The following DOCK7 variants were observed in gnomAD, a reference collection of about 807,000 sequenced individuals.
The protein encoded by DOCK7 is dedicator of cytokinesis 7.
Under a neutral mutation model 271.0 loss-of-function variants are expected in DOCK7, and 138 were observed. The observed-to-expected ratio is 0.51, with a 90% CI of 0.44 to 0.59. The LOEUF (loss-of-function observed/expected upper bound fraction) is 0.59. DOCK7 is among the 20% of genes least tolerant of loss of function. The pLI is 0.00. For synonymous variants in DOCK7, 823 were observed against 876.1 expected (o/e 0.94, Z 1.07); for missense variants, 2,066 against 2,592.4 (o/e 0.80, Z 4.41).
At chr1:62,615,053 C>T (rs943516348) in intron 14 of DOCK7, among the ~76,000 whole-genome samples, 1 of 151,782 alleles carries the variant, frequency 6.6e-6, no homozygotes, top group Non-Finnish European at 1.5e-5. Flanking sequence ...ATACAGGTTA[C>T]GAGAGCCCAT....
At chr1:62,656,783 GC>G (rs2149701876) in intron 2 of DOCK7, among the ~76,000 whole-genome samples, 2 of 132,736 alleles carry the variant, frequency 1.5e-5, no homozygotes, top group African/African-American at 5.5e-5. Flanking sequence ...ACACCAAGAA[GC>G]CCTAGGGGTG....
At chr1:62,555,747 G>A (rs1646119208) in intron 21 of DOCK7, 78 bp downstream of exon 21, 11 of 1,468,324 alleles carry the variant, frequency 7.5e-6, no homozygotes, top group South Asian at 2.6e-5. Flanking sequence ...ATCACAGTAT[G>A]GACTACAAAA....
intron 14 of DOCK7, among the ~76,000 whole-genome samples, chr1:62,591,836 T>C (rs971423575): frequency 1.3e-5 from 2 of 152,232 alleles, no homozygotes; most frequent in African/African-American, 4.8e-5. Context: ...TGTTCATTTA[T>C]GTATTACTTC....
chr1:62,537,595 A>G (rs1287481984), intron 28 of DOCK7, among the ~76,000 whole-genome samples: 3 of 151,724 alleles, frequency 2.0e-5, no homozygotes, highest in Admixed American at 2.0e-4. Context: ...CAAAAAAAAA[A>G]AAAAAAAAAG....
intron 42 of DOCK7, chr1:62,488,681 CTAAT>C (rs760010981): frequency 3.7e-5 from 16 of 435,476 alleles, no homozygotes; most frequent in Non-Finnish European, 6.2e-5. Context: ...TAAAAACTTG[CTAAT>C]TAATAATTCA....
At chr1:62,473,164 C>T (rs962426886) in intron 48 of DOCK7, among the ~76,000 whole-genome samples, 3 of 152,156 alleles carry the variant, frequency 2.0e-5, no homozygotes, top group African/African-American at 7.2e-5. Flanking sequence ...ATTATTTCAC[C>T]TAATCTGCAC....
chr1:62,479,290 T>C (rs1328793986), intron 43 of DOCK7, among the ~76,000 whole-genome samples: 1 of 152,082 alleles, frequency 6.6e-6, no homozygotes, highest in Non-Finnish European at 1.5e-5. Flanking sequence ...AAAAAAGGTA[T>C]AGTGATGAAA....
In DOCK7 at chr1:62,613,864, T is replaced by C. The variant is rs565135291; in HGVS notation, c.1682+4842A>G. On this transcript the variant is annotated intron_variant, in intron 14 of 49. Coordinates refer to ENST00000635253, the MANE Select transcript of DOCK7 (RefSeq NM_001367561.1). ...CACATGAACAATGCTTAAATTCCTATTTTTTTCAGATATAAATTTGAACCC... is the reference window on the plus strand; with the variant it reads ...CACATGAACAATGCTTAAATTCCTACTTTTTTCAGATATAAATTTGAACCC... Among the ~76,000 whole-genome samples, 28 of 150,518 alleles carry C rather than the reference T, an allele frequency of 1.9e-4. No individual in the cohort carries two copies. In the South Asian group the frequency reaches 5.4e-3, roughly 29 times the overall value.
Position 62,586,714 on chromosome 1 carries a change from T to C in DOCK7, c.1683-90A>G, listed in dbSNP as rs1647588417. On this transcript the variant is annotated intron_variant, in intron 14 of 49. Transcript: ENST00000635253. ...AAATACCACAAAATAAGTGACCAAA[T>C]ACTGAATTACTGATATTGGCTAGCA... is the stretch of plus-strand genomic sequence containing the variant. 3 of 667,492 alleles carry C rather than the reference T, an allele frequency of 4.5e-6. No homozygotes were observed. In the Admixed American group the frequency reaches 8.6e-5, roughly 19 times the overall value. 41.3% of individuals were successfully genotyped at this position (667,492 alleles called of 1,614,324 possible).
At chr1:62,672,588 T>C (rs961168091) in intron 1 of DOCK7, among the ~76,000 whole-genome samples, 1 of 152,124 alleles carries the variant, frequency 6.6e-6, no homozygotes, top group African/African-American at 2.4e-5. Flanking sequence ...CTTTAAACTA[T>C]TTCCAGTTTT....
chr1:62,594,237 T>C (rs1394397553), intron 14 of DOCK7, among the ~76,000 whole-genome samples: 1 of 152,100 alleles, frequency 6.6e-6, no homozygotes, highest in African/African-American at 2.4e-5. Context: ...CAGGAAGTAT[T>C]AAAAGGCAGG....
chr1:62,460,097 TCAAAAAAA>T (rs1645473133), intron 48 of DOCK7, among the ~76,000 whole-genome samples: 3 of 46,338 alleles, frequency 6.5e-5, no homozygotes, highest in African/African-American at 3.2e-4. Context: ...AAGACTCGTC[TCAAAAAAA>T]AAAAAAAAAA....
At chr1:62,683,240 A>G (rs1661366782) in intron 1 of DOCK7, among the ~76,000 whole-genome samples, 1 of 152,228 alleles carries the variant, frequency 6.6e-6, no homozygotes, top group Non-Finnish European at 1.5e-5. Context: ...AATTAGTGAG[A>G]TGAGTACAAC....
At chr1:62,566,886 G>A (rs1443296629) in intron 18 of DOCK7, among the ~76,000 whole-genome samples, 2 of 140,146 alleles carry the variant, frequency 1.4e-5, no homozygotes, top group African/African-American at 4.9e-5. Flanking sequence ...GTTGGCAAAG[G>A]TTATGAACAG....
intron 31 of DOCK7, among the ~76,000 whole-genome samples, chr1:62,519,511 A>C (rs1264025100): frequency 6.6e-6 from 1 of 152,186 alleles, no homozygotes; most frequent in East Asian, 1.9e-4. Flanking sequence ...AAATAGCTCA[A>C]AGGCCTAAGA....
At chr1:62,629,178 G>A (rs1654309616) in intron 11 of DOCK7, 3 of 152,074 alleles carry the variant, frequency 2.0e-5, no homozygotes, top group African/African-American at 7.2e-5. Flanking sequence ...AAAACAGTGT[G>A]GCAGTCCTTC....
chr1:62,600,116 ATTCTT>A (rs1649892415), intron 14 of DOCK7, among the ~76,000 whole-genome samples: 1 of 151,800 alleles, frequency 6.6e-6, no homozygotes, highest in Non-Finnish European at 1.5e-5. Flanking sequence ...ATTATTCTAA[ATTCTT>A]TTCAATTATA....
chr1:62,602,289 T>G (rs746868277), intron 14 of DOCK7: 1 of 1,606,266 alleles, frequency 6.2e-7, no homozygotes, highest in Non-Finnish European at 8.5e-7. Flanking sequence ...ATTCAGGTAG[T>G]CCATGGACAT....
chr1:62,557,402 T>C (rs1338686908), intron 20 of DOCK7, among the ~76,000 whole-genome samples: 1 of 151,678 alleles, frequency 6.6e-6, no homozygotes, highest in Non-Finnish European at 1.5e-5. Flanking sequence ...TAGATGCTGA[T>C]TTCTCTCAGC....
Sources: allele counts gnomAD v4.1 joint callset (sites outside exome capture counted in the v4.1 genomes callset), GRCh38; gene constraint gnomAD v4.1.1; transcripts MANE v1.5; gene names NCBI Gene and HGNC (gene_info 2026-07-23, HGNC 2026-07-21).